The following PRRG1 variants were observed in gnomAD, a reference collection of about 807,000 sequenced individuals.
The protein encoded by PRRG1 is transmembrane gamma-carboxyglutamic acid protein 1.
PRRG1 carries 5 observed loss-of-function variants against 11.8 expected under a neutral mutation model. The observed-to-expected ratio is 0.42, with a 90% confidence interval of 0.22 to 0.89. The LOEUF is 0.89. PRRG1 is among the 40% of genes least tolerant of loss of function. PRRG1 has a pLI of 0.28. For missense variants in PRRG1, 155 were observed against 166.1 expected (o/e 0.93, Z 0.37); for synonymous variants, 66 against 60.4 (o/e 1.09, Z -0.43).
intron 3 of PRRG1, among the ~76,000 whole-genome samples, chrX:37,432,118 C>G (rs1375125280): frequency 4.8e-5 from 5 of 104,457 alleles, no homozygotes; most frequent in East Asian, 3.0e-4. Flanking sequence ...GATGGAGTCT[C>G]GCTCTGTCGC....
chrX:37,440,812 C>T, intron 3 of PRRG1: 1 of 511,511 alleles, frequency 2.0e-6, no homozygotes, highest in Non-Finnish European at 3.5e-6. Context: ...GTTGCCAAGG[C>T]TGGAGTGCAG....
intron 1 of PRRG1, chrX:37,349,615 G>C (rs1556364100): frequency 9.0e-6 from 1 of 111,484 alleles, no homozygotes; most frequent in African/African-American, 3.3e-5. Flanking sequence ...TGGGTATGAC[G>C]AGAAAAAAAA....
At chrX:37,402,861 CA>C (rs1219450439) in intron 1 of PRRG1, among the ~76,000 whole-genome samples, 1 of 111,431 alleles carries the variant, frequency 9.0e-6, no homozygotes, top group African/African-American at 3.3e-5. Context: ...TTTATGCAGC[CA>C]AAAAACACAT....
At chrX:37,447,398 T>C (rs1050246251) in intron 3 of PRRG1, among the ~76,000 whole-genome samples, 4 of 112,275 alleles carry the variant, frequency 3.6e-5, no homozygotes, top group Non-Finnish European at 7.5e-5. Flanking sequence ...TGGAAAGTCT[T>C]CCTTTACCTT....
chrX:37,372,071 A>G (rs141801707), intron 1 of PRRG1, among the ~76,000 whole-genome samples: 2,307 of 112,884 alleles, frequency 0.02, 28 homozygotes, highest in Middle Eastern at 0.1. Context: ...CAAAATGGCT[A>G]TACTAATTTA....
chrX:37,423,607 A>G (rs1200636068), intron 2 of PRRG1, among the ~76,000 whole-genome samples: 6 of 110,210 alleles, frequency 5.4e-5, no homozygotes, highest in Non-Finnish European at 1.1e-4. Context: ...GGGCTCAAGC[A>G]ATCCTCCCAC....
At chrX:37,422,613 A>G (rs1220019386) in intron 2 of PRRG1, among the ~76,000 whole-genome samples, 3 of 112,265 alleles carry the variant, frequency 2.7e-5, no homozygotes, top group African/African-American at 9.7e-5. Flanking sequence ...AATCAGTAAA[A>G]TATCTCTTGA....
At chrX:37,441,365 C>T (rs185384297) in intron 3 of PRRG1, 4 of 753,306 alleles carry the variant, frequency 5.3e-6, no homozygotes, top group Non-Finnish European at 6.3e-6. Context: ...ACTCATTCTC[C>T]TCCCTGCCCA....
At position 37,376,549 on chromosome X, in the gene PRRG1, G is replaced by GTATATA. The variant is rs1491489103; in HGVS notation, c.-42+27155_-42+27156insATATAT. ...GTTCAGTGTTTAGTCAGAAATGTGAGTGTATATATATATATATATATATGT... is the reference window on the plus strand; with the variant it reads ...GTTCAGTGTTTAGTCAGAAATGTGAGTATATATGTATATATATATATATATATATGT... On this transcript the variant is annotated intron_variant, in intron 1 of 3. Coordinates refer to ENST00000378628, the MANE Select transcript of PRRG1 (RefSeq NM_001142395.2). Among the ~76,000 whole-genome samples the GTATATA allele has an allele frequency of 7.0e-3, 113 of 16,029 alleles. 10 individuals are homozygous for GTATATA. In the South Asian group the frequency reaches 0.23, roughly 32 times the overall value. The allele number at this position is 16,029 out of a possible 115,157, so 13.9% of individuals were successfully genotyped here. A position where few individuals can be genotyped will look rare whatever the true frequency, so the allele number is the denominator to read the frequency against.
chrX:37,389,944 A>G (rs1259129317), intron 1 of PRRG1, among the ~76,000 whole-genome samples: 1 of 111,983 alleles, frequency 8.9e-6, no homozygotes, highest in Non-Finnish European at 1.9e-5. Context: ...TTGTTTTACT[A>G]CTTTCCCTAA....
rs1020356816 is a variant in PRRG1, at chrX:37,454,256, G to A, written c.*635G>A. ...ACAGCAGATAGCAATAAGGTATTTG[G>A]TGGCATTCGGCTTGTTTTGTAATAG... On this transcript the variant is annotated 3_prime_UTR_variant, in exon 4 of 4. Transcript: ENST00000378628. 8 of 112,010 alleles carry A rather than the reference G, an allele frequency of 7.1e-5. No individual in the cohort carries two copies. The highest frequency in any genetic ancestry group is 1.5e-4 in the Non-Finnish European group (8 of 53,185). 9.2% of individuals were successfully genotyped at this position (112,010 alleles called of 1,213,427 possible).
chrX:37,433,494 A>C (rs782493147), intron 3 of PRRG1, among the ~76,000 whole-genome samples: 1 of 108,306 alleles, frequency 9.2e-6, no homozygotes, highest in African/African-American at 3.4e-5. Flanking sequence ...AAAGCACTCT[A>C]CCTTAAATTG....
At chrX:37,354,461 C>T (rs1443043930) in intron 1 of PRRG1, among the ~76,000 whole-genome samples, 8 of 107,023 alleles carry the variant, frequency 7.5e-5, no homozygotes, top group African/African-American at 1.7e-4. Flanking sequence ...GGCATGATCT[C>T]GGCTCACTGC....
chrX:37,425,143 G>A (rs1932757932), intron 2 of PRRG1, among the ~76,000 whole-genome samples: 1 of 110,072 alleles, frequency 9.1e-6, no homozygotes, highest in Admixed American at 9.7e-5. Context: ...TAAAATAAAA[G>A]CATCTTTTTT....
chrX:37,449,601 C>T (rs1378355795), intron 3 of PRRG1, among the ~76,000 whole-genome samples: 3 of 112,334 alleles, frequency 2.7e-5, no homozygotes, highest in African/African-American at 9.7e-5. Context: ...AAATGGTTGT[C>T]GGACCTCTCT....
intron 3 of PRRG1, among the ~76,000 whole-genome samples, chrX:37,435,309 A>G (rs1205091368): frequency 2.7e-5 from 3 of 112,025 alleles, no homozygotes; most frequent in Non-Finnish European, 3.8e-5. Context: ...ATAAATACAC[A>G]TGATTATATA....
chrX:37,398,945 G>C (rs1370644679), intron 1 of PRRG1, among the ~76,000 whole-genome samples: 36 of 110,155 alleles, frequency 3.3e-4, no homozygotes, highest in African/African-American at 1.1e-3. Flanking sequence ...AGAATAAAAA[G>C]AAACGAACAA....
At chrX:37,404,147 AAAAAT>A (rs1296055118) in intron 1 of PRRG1, among the ~76,000 whole-genome samples, 1 of 112,090 alleles carries the variant, frequency 8.9e-6, no homozygotes, top group Non-Finnish European at 1.9e-5. Flanking sequence ...AGAATAAACA[AAAAAT>A]AAAATATGAG....
intron 1 of PRRG1, among the ~76,000 whole-genome samples, chrX:37,351,435 C>A (rs1368998769): frequency 1.6e-4 from 17 of 109,081 alleles, no homozygotes; most frequent in African/African-American, 5.7e-4. Flanking sequence ...GCGGAGCTTG[C>A]CTTGAGCTGA....
Sources: allele counts gnomAD v4.1 joint callset (sites outside exome capture counted in the v4.1 genomes callset), GRCh38; gene constraint gnomAD v4.1.1; transcripts MANE v1.5; gene names NCBI Gene and HGNC (gene_info 2026-07-23, HGNC 2026-07-21).